The following MACC1 variants were observed in gnomAD, a reference collection of about 807,000 sequenced individuals.
MACC1 encodes the protein MET transcriptional regulator MACC1, also known as metastasis-associated in colon cancer protein 1.
In MACC1, 79 loss-of-function variants were observed where a neutral mutation model predicts 70.7. That is an observed-to-expected ratio of 1.12 (90% confidence interval 0.93 to 1.35). MACC1 has a LOEUF of 1.35. MACC1 is among the 40% of genes most tolerant of loss of function. The pLI, the probability that MACC1 is intolerant of heterozygous loss-of-function variation, is 0.00. For synonymous variants in MACC1, 361 were observed against 347.2 expected (o/e 1.04, Z -0.44); for missense variants, 1,106 against 978.1 (o/e 1.13, Z -1.74).
At chr7:20,150,913 T>A (rs1781966188) in intron 6 of MACC1, among the ~76,000 whole-genome samples, 1 of 152,094 alleles carries the variant, frequency 6.6e-6, no homozygotes, top group Non-Finnish European at 1.5e-5. Context: ...GCAGGTATGG[T>A]GGCATGCGCC....
At position 20,157,133 on chromosome 7, in the gene MACC1, A is replaced by G. The variant is rs117368166; in HGVS notation, c.2157+1071T>C. 7.2e-3 allele frequency among the ~76,000 whole-genome samples: 1,097 copies of G among 152,336 alleles called. 26 individuals carry two copies. Among genetic ancestry groups the G allele is most frequent in the Admixed American group, 0.038 (580 of 15,296 alleles). ...TTTTAAGACTTGGTTTCTTCGACCTATAAGATGAAGATACTAGCTATACTT... is the reference window on the plus strand; with the variant it reads ...TTTTAAGACTTGGTTTCTTCGACCTGTAAGATGAAGATACTAGCTATACTT... On this transcript the variant is annotated intron_variant, in intron 5 of 6. Coordinates refer to ENST00000400331, the MANE Select transcript of MACC1 (RefSeq NM_182762.4).
At chr7:20,141,412 T>G (rs531213304) in intron 6 of MACC1, among the ~76,000 whole-genome samples, 255 of 152,296 alleles carry the variant, frequency 1.7e-3, no homozygotes, top group African/African-American at 5.9e-3. Context: ...ATCCATCATC[T>G]ATACATTGCT....
At chr7:20,195,813 A>C (rs3095213) in intron 1 of MACC1, among the ~76,000 whole-genome samples, 104,049 of 152,094 alleles carry the variant, frequency 0.68, 36,710 homozygotes, top group East Asian at 1. Flanking sequence ...AAAAGAAAAA[A>C]CTTGTTGCAG....
chr7:20,183,787 C>T (rs1252781779), intron 1 of MACC1, among the ~76,000 whole-genome samples: 1 of 150,274 alleles, frequency 6.7e-6, no homozygotes, highest in Admixed American at 6.7e-5. Flanking sequence ...CACCTCACTG[C>T]AGCCTCCGTT....
chr7:20,160,025 A>G lies in MACC1; in HGVS notation c.336T>C (p.Ser112=). Residue 112 remains serine (S), a synonymous_variant, in exon 5 of 7, where the codon TCT becomes TCC. Transcript: ENST00000400331. ...LFCREIENGN[S]FDSSGDELDV... is the part of the protein sequence containing the mutation. ...CAAGTTCATCACCGGAGGAATCAAA[A>G]GAATTTCCATTTTCTATTTCTCTAC... The G allele has an allele frequency of 6.2e-7, 1 of 1,611,450 alleles. No individual in the cohort carries two copies. Among genetic ancestry groups the G allele is most frequent in the Non-Finnish European group, 8.5e-7 (1 of 1,179,214 alleles).
chr7:20,190,164 T>C lies in MACC1; in HGVS notation c.-217-19386A>G, dbSNP rs1248558790. ...AACCATTCAGTCCACAATGGAAAGC[T>C]ATCCAGTGAAGTACATGGGACTCTG... On this transcript the variant is annotated intron_variant, in intron 1 of 6. Coordinates refer to ENST00000400331, the MANE Select transcript of MACC1 (RefSeq NM_182762.4). Among the ~76,000 whole-genome samples the C allele has an allele frequency of 5.3e-5, 8 of 152,216 alleles. No individual in the cohort carries two copies. The East Asian group carries it at 1.3e-3, about 26-fold the overall frequency.
At chr7:20,196,423 G>A (rs1387836244) in intron 1 of MACC1, among the ~76,000 whole-genome samples, 4 of 152,112 alleles carry the variant, frequency 2.6e-5, no homozygotes, top group South Asian at 4.1e-4. Context: ...CTTGTGATCC[G>A]CCCACCTCGG....
chr7:20,207,811 T>A (rs1378442387), intron 1 of MACC1, among the ~76,000 whole-genome samples: 1 of 152,198 alleles, frequency 6.6e-6, no homozygotes, highest in Non-Finnish European at 1.5e-5. Flanking sequence ...ATTCATAATA[T>A]CTATCATTGG....
intron 6 of MACC1, among the ~76,000 whole-genome samples, chr7:20,141,706 T>G (rs937804359): frequency 3.3e-5 from 5 of 152,324 alleles, no homozygotes; most frequent in African/African-American, 1.2e-4. Context: ...AAATATTTAT[T>G]TCATGATATA....
intron 6 of MACC1, among the ~76,000 whole-genome samples, chr7:20,144,923 A>G (rs4721887): frequency 0.67 from 101,615 of 151,472 alleles, 34,931 homozygotes; most frequent in East Asian, 0.87. Flanking sequence ...GAGTCAAAGA[A>G]AAAGAAAGTG....
intron 2 of MACC1, chr7:20,170,250 G>A (rs563583712): frequency 6.6e-5 from 10 of 152,304 alleles, no homozygotes; most frequent in Non-Finnish European, 1.0e-4. Context: ...TCAAAAAGTG[G>A]TTACAATGAT....
At chr7:20,179,408 T>A (rs987157545) in intron 1 of MACC1, among the ~76,000 whole-genome samples, 1 of 152,246 alleles carries the variant, frequency 6.6e-6, no homozygotes, top group Admixed American at 6.5e-5. Context: ...TCATGTTAAT[T>A]AGAAGGTATT....
intron 1 of MACC1, among the ~76,000 whole-genome samples, chr7:20,211,098 T>C (rs1027229552): frequency 1.3e-5 from 2 of 152,192 alleles, no homozygotes; most frequent in Non-Finnish European, 1.5e-5. Flanking sequence ...AGGACTGTAA[T>C]AATTTGATGT....
At chr7:20,167,638 C>A (rs1208836069) in intron 2 of MACC1, among the ~76,000 whole-genome samples, 2 of 151,336 alleles carry the variant, frequency 1.3e-5, no homozygotes, top group African/African-American at 4.9e-5. Flanking sequence ...CTCTACACAA[C>A]ACTTTCTACC....
chr7:20,171,393 A>C (rs1782304203), intron 1 of MACC1, among the ~76,000 whole-genome samples: 1 of 151,326 alleles, frequency 6.6e-6, no homozygotes, highest in African/African-American at 2.4e-5. Context: ...CTGGGACTAC[A>C]CGTGCCCGCC....
At chr7:20,152,933 G>A (rs190372736) in intron 6 of MACC1, among the ~76,000 whole-genome samples, 89 of 152,274 alleles carry the variant, frequency 5.8e-4, no homozygotes, top group Non-Finnish European at 8.1e-4. Flanking sequence ...TCAGAAGAGC[G>A]TATCCCTCAT....
chr7:20,158,933 C>G lies in MACC1; in HGVS notation c.1428G>C (p.Glu476Asp), dbSNP rs774758730. 6 of 1,614,028 alleles carry G rather than the reference C, an allele frequency of 3.7e-6. No homozygotes were observed. The Middle Eastern group carries it at 6.6e-4, about 178-fold the overall frequency. Residue 476 changes from glutamate (E) to aspartate (D), a missense_variant, in exon 5 of 7, where the codon GAG (glutamate) becomes GAC (aspartate). Glu to Asp is a conservative substitution (Grantham distance 45, BLOSUM62 2). Coordinates refer to ENST00000400331, the MANE Select transcript of MACC1 (RefSeq NM_182762.4). ...AATCAAACAAGTGCATCTCTCTGTG[C>G]TCAACTAAAGAAAATAAAAATTGTT... is the stretch of plus-strand genomic sequence containing the variant. ...VHQQFLFSLVEHREMHLFDFC... is the reference protein window; with the variant it reads ...VHQQFLFSLVDHREMHLFDFC...
intron 3 of MACC1, among the ~76,000 whole-genome samples, chr7:20,163,643 G>A (rs17142510): frequency 0.011 from 1,602 of 152,294 alleles, 32 homozygotes; most frequent in African/African-American, 0.037. Flanking sequence ...AGTATCTCAT[G>A]TCTGGGACTC....
Position 20,209,676 on chromosome 7 carries a change from G to C in MACC1, c.-218+7623C>G, listed in dbSNP as rs139065136. 8.4e-3 allele frequency among the ~76,000 whole-genome samples: 1,285 copies of C among 152,308 alleles called. 23 individuals carry two copies. Among genetic ancestry groups the C allele is most frequent in the African/African-American group, 0.029 (1,215 of 41,562 alleles). On this transcript the variant is annotated intron_variant, in intron 1 of 6. Transcript: ENST00000400331. Reference sequence around the variant, plus strand: ...TGGGTTAATGCTGGAATGAGTTAAGGCTTTGGGGGGGACTATTGGAAAGGC... The same window carrying C: ...TGGGTTAATGCTGGAATGAGTTAAGCCTTTGGGGGGGACTATTGGAAAGGC...
Sources: gnomAD v4.1 joint callset for allele counts (sites outside exome capture counted in the v4.1 genomes callset) on GRCh38, gnomAD v4.1.1 for gene constraint, MANE v1.5 for transcripts, NCBI Gene and HGNC (gene_info 2026-07-23, HGNC 2026-07-21) for gene names.